The following SFSWAP variants were observed in gnomAD, a reference collection of about 807,000 sequenced individuals.
SFSWAP encodes splicing factor, suppressor of white-apricot homolog.
In SFSWAP, 17 loss-of-function variants were observed where a neutral mutation model predicts 100.7. The ratio of observed to expected loss-of-function variants is 0.17; its 90% CI spans 0.12 to 0.25. SFSWAP has a LOEUF of 0.25. SFSWAP is among the 10% of genes least tolerant of loss of function. The probability of loss-of-function intolerance (pLI) is 1.00; values close to 1 mark genes in which losing one functional copy is unlikely to be tolerated. For missense variants in SFSWAP, 1,005 were observed against 1,262.6 expected (o/e 0.80, Z 3.09); for synonymous variants, 504 against 510.1 (o/e 0.99, Z 0.16).
chr12:131,741,955 G>A (rs1880686099), intron 7 of SFSWAP, among the ~76,000 whole-genome samples: 1 of 152,166 alleles, frequency 6.6e-6, no homozygotes, highest in Non-Finnish European at 1.5e-5. Context: ...TGGTGTGCAA[G>A]CCTGTGTGTT....
intron 4 of SFSWAP, among the ~76,000 whole-genome samples, chr12:131,719,948 G>A (rs1878315151): frequency 6.6e-6 from 1 of 152,136 alleles, no homozygotes; most frequent in Non-Finnish European, 1.5e-5. Flanking sequence ...GATTTTTGGG[G>A]TCACTTCACG....
At chr12:131,781,831 T>A (rs1440780905) in intron 14 of SFSWAP, among the ~76,000 whole-genome samples, 1 of 152,204 alleles carries the variant, frequency 6.6e-6, no homozygotes, top group Non-Finnish European at 1.5e-5. Context: ...AGCATTTGAT[T>A]TTGCAACTGA....
intron 11 of SFSWAP, chr12:131,756,907 A>G: frequency 2.6e-6 from 1 of 383,386 alleles, no homozygotes; most frequent in Non-Finnish European, 4.7e-6. Context: ...TTTGTACAGA[A>G]AGTTTCAAAT....
At chr12:131,746,468 G>A (rs1042334293) in intron 7 of SFSWAP, among the ~76,000 whole-genome samples, 2 of 152,174 alleles carry the variant, frequency 1.3e-5, no homozygotes, top group African/African-American at 2.4e-5. Flanking sequence ...GAAATTGACA[G>A]CTGGGTTTCC....
chr12:131,779,817 GC>G (rs1367496797), intron 14 of SFSWAP, among the ~76,000 whole-genome samples: 1 of 152,006 alleles, frequency 6.6e-6, no homozygotes, highest in African/African-American at 2.4e-5. Context: ...CGGAGTTTTT[GC>G]TCTTGTTTCC....
At chr12:131,718,271 C>T (rs1878122146) in intron 3 of SFSWAP, among the ~76,000 whole-genome samples, 2 of 152,076 alleles carry the variant, frequency 1.3e-5, no homozygotes, top group African/African-American at 4.8e-5. Flanking sequence ...GCTTCAAGAG[C>T]CTTTACTGTA....
intron 7 of SFSWAP, among the ~76,000 whole-genome samples, chr12:131,735,836 A>G (rs1262315963): frequency 6.6e-6 from 1 of 152,256 alleles, no homozygotes; most frequent in Admixed American, 6.5e-5. Context: ...CTTTTTATCC[A>G]TCTTCTCAAA....
chr12:131,720,252 C>A (rs1221987281), intron 4 of SFSWAP, among the ~76,000 whole-genome samples: 1 of 152,166 alleles, frequency 6.6e-6, no homozygotes, highest in African/African-American at 2.4e-5. Context: ...TACATATTAT[C>A]TTATTTAATG....
At chr12:131,775,411 C>T (rs1211395000) in intron 13 of SFSWAP, among the ~76,000 whole-genome samples, 1 of 152,154 alleles carries the variant, frequency 6.6e-6, no homozygotes, top group Non-Finnish European at 1.5e-5. Context: ...CGTCTTTCAG[C>T]CCCTGGGCCG....
At position 131,799,588 on chromosome 12, in the gene SFSWAP, C is replaced by T. The variant is rs887191558; in HGVS notation, c.*100C>T. On this transcript the variant is annotated 3_prime_UTR_variant, in exon 18 of 18. Transcript: ENST00000261674. ...ATCCACCTGGCCGCCTCCATGGACC[C>T]TTGGTGGCTTTTGTAAATTAATTTT... 5 of 887,746 alleles carry T rather than the reference C, an allele frequency of 5.6e-6. No individual in the cohort carries two copies. The highest frequency in any genetic ancestry group is 1.7e-5 in the African/African-American group (1 of 57,948). The allele number at this position is 887,746 out of a possible 1,614,324, so 55.0% of individuals were successfully genotyped here.
chr12:131,783,376 C>T (rs1322237544), intron 14 of SFSWAP: 3 of 152,122 alleles, frequency 2.0e-5, no homozygotes, highest in African/African-American at 7.2e-5. Context: ...AAGATAGTCT[C>T]TTGTGTTCAT....
At chr12:131,767,345 A>G (rs547932978) in intron 13 of SFSWAP, among the ~76,000 whole-genome samples, 1 of 152,348 alleles carries the variant, frequency 6.6e-6, no homozygotes, top group East Asian at 1.9e-4. Flanking sequence ...TAGATTCTTT[A>G]TAGTAGTTAT....
At position 131,766,410 on chromosome 12, in the gene SFSWAP, G is replaced by T. The variant is rs1218180879; in HGVS notation, c.2142+102G>T. The T allele has an allele frequency of 1.9e-5, 19 of 1,026,046 alleles. 1 individual carries two copies. The highest frequency in any genetic ancestry group is 2.5e-5 in the Non-Finnish European group (17 of 689,402). 63.6% of individuals were successfully genotyped at this position (1,026,046 alleles called of 1,614,324 possible). On this transcript the variant is annotated intron_variant, in intron 13 of 17. Transcript: ENST00000261674. ...TGCCCTAGTCTCTGGCCTGAGTGAG[G>T]GATATGAGCTCCCAGCTCTTCCTCC... is the stretch of plus-strand genomic sequence containing the variant.
At chr12:131,774,593 A>G (rs1476845197) in intron 13 of SFSWAP, among the ~76,000 whole-genome samples, 4 of 152,334 alleles carry the variant, frequency 2.6e-5, no homozygotes, top group African/African-American at 9.6e-5. Flanking sequence ...CTGGAATATT[A>G]AAAATGCATC....
intron 16 of SFSWAP, among the ~76,000 whole-genome samples, chr12:131,798,657 A>C (rs1885850004): frequency 6.6e-6 from 1 of 152,216 alleles, no homozygotes; most frequent in African/African-American, 2.4e-5. Flanking sequence ...TGGGAGGCCA[A>C]GGCGGGTGGA....
At chr12:131,754,117 G>C (rs996289422) in intron 8 of SFSWAP, among the ~76,000 whole-genome samples, 6 of 152,134 alleles carry the variant, frequency 3.9e-5, no homozygotes, top group African/African-American at 1.4e-4. Context: ...TGATTGGGGG[G>C]AAATGTTAAT....
chr12:131,772,692 A>T (rs558593975), intron 13 of SFSWAP, among the ~76,000 whole-genome samples: 10 of 152,222 alleles, frequency 6.6e-5, no homozygotes, highest in African/African-American at 2.4e-4. Context: ...GGTGTCTGTG[A>T]CCCCTGGAGC....
chr12:131,719,220 A>T (rs750277952), intron 3 of SFSWAP, among the ~76,000 whole-genome samples: 19 of 151,512 alleles, frequency 1.3e-4, no homozygotes, highest in Non-Finnish European at 2.7e-4. Context: ...CCCTATACAC[A>T]CTCCTTCTGC....
At chr12:131,747,174 C>T (rs1473913158) in intron 7 of SFSWAP, among the ~76,000 whole-genome samples, 4 of 151,176 alleles carry the variant, frequency 2.6e-5, no homozygotes, top group East Asian at 1.9e-4. Context: ...AGGTGTTGAG[C>T]GATTTGCATC....
Sources: gnomAD v4.1 joint callset for allele counts (sites outside exome capture counted in the v4.1 genomes callset) on GRCh38, gnomAD v4.1.1 for gene constraint, MANE v1.5 for transcripts, NCBI Gene and HGNC (gene_info 2026-07-23, HGNC 2026-07-21) for gene names.